Variants in PTPN13 observed in about 807,000 individuals in gnomAD.
The protein encoded by PTPN13 is tyrosine-protein phosphatase non-receptor type 13.
In PTPN13, 191 loss-of-function variants were observed where a neutral mutation model predicts 284.0. That is an observed-to-expected ratio of 0.67 (90% CI 0.60 to 0.76). The LOEUF (loss-of-function observed/expected upper bound fraction) is 0.76. PTPN13 is among the 30% of genes least tolerant of loss of function. The pLI is 0.00. For missense variants in PTPN13, 2,797 were observed against 2,939.9 expected, an observed-to-expected ratio of 0.95 and a Z score of 1.12; for synonymous variants, 986 against 1,022.3, an observed-to-expected ratio of 0.96 and a Z score of 0.68.
intron 2 of PTPN13, among the ~76,000 whole-genome samples, chr4:86,640,659 A>T (rs1439332009): frequency 6.6e-6 from 1 of 152,212 alleles, no homozygotes; most frequent in African/African-American, 2.4e-5. Context: ...ATTACTGCCC[A>T]GGCCATGACT....
At chr4:86,794,577 T>G (rs893758428) in intron 40 of PTPN13, among the ~76,000 whole-genome samples, 1 of 151,428 alleles carries the variant, frequency 6.6e-6, no homozygotes, top group Non-Finnish European at 1.5e-5. Flanking sequence ...CCAAAAAGAG[T>G]CCACATAGCC....
At chr4:86,614,887 T>G (rs570110986) in intron 1 of PTPN13, among the ~76,000 whole-genome samples, 1 of 152,250 alleles carries the variant, frequency 6.6e-6, no homozygotes, top group East Asian at 1.9e-4. Context: ...GAAAAAAACC[T>G]GGTTGTATTA....
At chr4:86,693,532 GA>G in intron 5 of PTPN13, 54 bp from the exon 6 acceptor site, 4 of 1,221,988 alleles carry the variant, frequency 3.3e-6, no homozygotes, top group Non-Finnish European at 4.5e-6. Flanking sequence ...CAGTTACCAT[GA>G]AAACAAAAGG....
At chr4:86,752,210 T>C (rs935350176) in intron 19 of PTPN13, among the ~76,000 whole-genome samples, 1 of 152,156 alleles carries the variant, frequency 6.6e-6, no homozygotes, top group Non-Finnish European at 1.5e-5. Flanking sequence ...TACTAAACTC[T>C]CTTCTTAGGC....
chr4:86,696,552 T>C (rs1730616002), intron 6 of PTPN13, among the ~76,000 whole-genome samples: 1 of 152,040 alleles, frequency 6.6e-6, no homozygotes, highest in Non-Finnish European at 1.5e-5. Context: ...GATTTTGTTT[T>C]TATAATACTA....
intron 16 of PTPN13, among the ~76,000 whole-genome samples, chr4:86,743,083 G>A (rs1736334767): frequency 6.6e-6 from 1 of 152,038 alleles, no homozygotes; most frequent in South Asian, 2.1e-4. Flanking sequence ...CTCTGGGGAA[G>A]TGGAAAAGTT....
rs183536921 is a variant in PTPN13 at position 86,719,104 on chromosome 4, T to C, written c.1385+1987T>C. Among the ~76,000 whole-genome samples, 13 of 152,314 alleles carry C rather than the reference T, an allele frequency of 8.5e-5. 1 individual carries two copies. In the East Asian group the frequency reaches 1.5e-3, roughly 18 times the overall value. On this transcript the variant is annotated intron_variant, in intron 9 of 47. Coordinates refer to ENST00000411767, the MANE Select transcript of PTPN13 (RefSeq NM_080683.3). ...TATTAAGCCCAGTACACAACAGTTA[T>C]CTTTTTTGTTCCTCTCCTTCCTCCC...
At chr4:86,736,932 A>G (rs974923827) in intron 15 of PTPN13, among the ~76,000 whole-genome samples, 2 of 152,352 alleles carry the variant, frequency 1.3e-5, no homozygotes, top group African/African-American at 2.4e-5. Context: ...AAGAAGTTTT[A>G]TCTTGTTAAC....
intron 47 of PTPN13, among the ~76,000 whole-genome samples, chr4:86,813,798 A>C (rs1371670095): frequency 2.0e-5 from 3 of 152,160 alleles, no homozygotes; most frequent in Non-Finnish European, 4.4e-5. Flanking sequence ...CAAATCCAGA[A>C]GAAATTATGT....
intron 34 of PTPN13, 36 bp from the exon 35 acceptor site, chr4:86,775,406 A>G: frequency 6.3e-7 from 1 of 1,598,778 alleles, no homozygotes; most frequent in Admixed American, 1.7e-5. Flanking sequence ...AAGTACTTTT[A>G]TGACTGAGAA....
rs188120766 is a variant in PTPN13 at position 86,786,901 on chromosome 4, C to T, written c.6345+965C>T. ...GGCAGATCACTTGAGGTCAGGAGTT[C>T]AAGACCAGCCTGGCCAACATGGTGA... On this transcript the variant is annotated intron_variant, in intron 40 of 47. Coordinates refer to ENST00000411767, the MANE Select transcript of PTPN13 (RefSeq NM_080683.3). Among the ~76,000 whole-genome samples the T allele has an allele frequency of 2.2e-3, 330 of 152,122 alleles. 3 individuals are homozygous for T. Among genetic ancestry groups the T allele is most frequent in the African/African-American group, 7.5e-3 (310 of 41,492 alleles).
chr4:86,620,870 G>A (rs748750864), intron 1 of PTPN13, among the ~76,000 whole-genome samples: 20 of 152,132 alleles, frequency 1.3e-4, no homozygotes, highest in Admixed American at 3.9e-4. Flanking sequence ...GTCAAATAAC[G>A]ATTATTCCTG....
chr4:86,784,477 G>GAA lies in PTPN13; in HGVS notation c.6039_6040dup (p.Ile2014LysfsTer2). On this transcript the variant is annotated frameshift_variant, in exon 38 of 48. Transcript: ENST00000411767. LOFTEE classifies it high-confidence loss of function. ...TTTTATGCTTTAGGTTGCTGGGGAAGAAATAAATGAAATATCGTACCCCAA... is the reference window on the plus strand; with the variant it reads ...TTTTATGCTTTAGGTTGCTGGGGAAGAAAAATAAATGAAATATCGTACCCCAA... 1 of 1,603,552 alleles carries GAA rather than the reference G, an allele frequency of 6.2e-7. No individual in the cohort carries two copies. Among genetic ancestry groups the GAA allele is most frequent in the South Asian group, 1.1e-5 (1 of 88,836 alleles).
chr4:86,717,189 A>ATTT (rs35080587), intron 9 of PTPN13, 72 bp downstream of exon 9: 9,462 of 734,450 alleles, frequency 0.013, 1 homozygote, highest in Non-Finnish European at 0.015. Context: ...ATTAAATGGA[A>ATTT]TTTTTTTTTT....
rs1741405909 is a variant in PTPN13, at chr4:86,782,249, A to G, written c.6011A>G (p.Asp2004Gly). Residue 2004 changes from aspartate to glycine, a missense_variant, in exon 37 of 48, where the codon GAT (aspartate) becomes GGT (glycine). Physicochemically the swap from Asp to Gly is moderately conservative, Grantham distance 94. Coordinates refer to ENST00000411767, the MANE Select transcript of PTPN13 (RefSeq NM_080683.3). ...AGCCAGCCTGCCCTCACTCCTAATG[A>G]TTCATTCTCCACGGTAAGAAAAAGC... ...SCSQPALTPN[D>G]SFSTVAGEEI... 1 of 1,606,556 alleles carries G rather than the reference A, an allele frequency of 6.2e-7. No individual in the cohort carries two copies. Among genetic ancestry groups the G allele is most frequent in the Admixed American group, 1.7e-5 (1 of 59,964 alleles).
At chr4:86,770,004 G>A in intron 29 of PTPN13, 21 bp downstream of exon 29, 1 of 1,612,958 alleles carries the variant, frequency 6.2e-7, no homozygotes, top group Non-Finnish European at 8.5e-7. Context: ...AGCATGTGGA[G>A]TATAGCATTT....
chr4:86,701,688 C>T lies in PTPN13; in HGVS notation c.1082C>T (p.Pro361Leu), dbSNP rs150433487. 455 of 1,613,748 alleles carry T rather than the reference C, an allele frequency of 2.8e-4. 3 individuals are homozygous for T. The East Asian group carries it at 1.0e-2, about 35-fold the overall frequency. The change falls in exon 7 of 48, where the codon CCA becomes CTA. Residue 361 changes from proline to leucine, a missense_variant. By Grantham distance (98) the Pro-to-Leu change is moderately conservative (BLOSUM62 -3). Transcript: ENST00000411767. ...LDIFGPQKMD[P>L]IYHTRELPTS... ...ATCTTTGGCCCTCAGAAAATGGATCCAATATATCACACTCGAGAATTGCCC... is the reference window on the plus strand; with the variant it reads ...ATCTTTGGCCCTCAGAAAATGGATCTAATATATCACACTCGAGAATTGCCC...
intron 20 of PTPN13, among the ~76,000 whole-genome samples, chr4:86,754,223 G>A (rs74559992): frequency 0.026 from 3,883 of 151,996 alleles, 163 homozygotes; most frequent in African/African-American, 0.09. Context: ...AAATATGAGG[G>A]CCTATCATTA....
At chr4:86,734,483 C>T (rs1258875823) in intron 13 of PTPN13, 27 bp downstream of exon 13, 2 of 1,500,008 alleles carry the variant, frequency 1.3e-6, no homozygotes, top group African/African-American at 1.4e-5. Context: ...TTCTCTTTTG[C>T]TCTTTTTGGA....
Sources: gnomAD v4.1 joint callset for allele counts (sites outside exome capture counted in the v4.1 genomes callset) on GRCh38, gnomAD v4.1.1 for gene constraint, MANE v1.5 for transcripts, NCBI Gene and HGNC (gene_info 2026-07-23, HGNC 2026-07-21) for gene names.